Variants in GPC6 observed in about 807,000 individuals in gnomAD.
The protein encoded by GPC6 is glypican-6.
In GPC6, 14 loss-of-function variants were observed where a neutral mutation model predicts 55.2. That is an observed-to-expected ratio of 0.25 (90% CI 0.17 to 0.40). The LOEUF is 0.40. GPC6 is among the 10% of genes least tolerant of loss of function. GPC6 has a pLI of 1.00. For missense variants in GPC6, 641 were observed against 708.5 expected, an observed-to-expected ratio of 0.90 and a Z score of 1.08; for synonymous variants, 278 against 259.6, an observed-to-expected ratio of 1.07 and a Z score of -0.68.
intron 4 of GPC6, among the ~76,000 whole-genome samples, chr13:94,219,464 CAT>C (rs1252977561): frequency 5.3e-5 from 8 of 152,144 alleles, no homozygotes; most frequent in African/African-American, 1.9e-4. Flanking sequence ...GGCTTAGAAA[CAT>C]ATTGATCTGG....
intron 4 of GPC6, 59 bp downstream of exon 4, chr13:94,027,953 G>T: frequency 1.4e-6 from 2 of 1,449,776 alleles, no homozygotes; most frequent in East Asian, 4.5e-5. Flanking sequence ...GTGTTTATGG[G>T]GCTTGATGGG....
At chr13:93,496,064 T>A (rs1450822446) in intron 1 of GPC6, among the ~76,000 whole-genome samples, 1 of 152,076 alleles carries the variant, frequency 6.6e-6, no homozygotes, top group Admixed American at 6.5e-5. Flanking sequence ...AGTTGGAGCT[T>A]CCTGGCTGCT....
intron 2 of GPC6, among the ~76,000 whole-genome samples, chr13:93,575,729 A>G (rs1388107160): frequency 1.3e-5 from 2 of 152,198 alleles, no homozygotes; most frequent in African/African-American, 2.4e-5. Flanking sequence ...TTTGATAACT[A>G]TCATCCATGC....
rs181548759 is a variant in GPC6, at chr13:93,992,933, A to G, written c.712-34796A>G. On this transcript the variant is annotated intron_variant, in intron 3 of 8. Transcript: ENST00000377047. ...AACTCATCATTTCTCAGATCTCCTTAGTTAATATTAGCAGGCCTCATTGAG... is the reference window on the plus strand; with the variant it reads ...AACTCATCATTTCTCAGATCTCCTTGGTTAATATTAGCAGGCCTCATTGAG... 8.8e-4 allele frequency among the ~76,000 whole-genome samples: 134 copies of G among 152,302 alleles called. 1 individual carries two copies. Among genetic ancestry groups the G allele is most frequent in the Middle Eastern group, 3.4e-3 (1 of 294 alleles).
At chr13:93,386,009 A>G (rs9524039) in intron 1 of GPC6, among the ~76,000 whole-genome samples, 28,536 of 151,142 alleles carry the variant, frequency 0.19, 3,471 homozygotes, top group East Asian at 0.54. Context: ...GTGATGAAAG[A>G]TCCATTACTG....
rs12877316 is a variant in GPC6, at chr13:93,322,119, C to T, written c.160+94503C>T. On this transcript the variant is annotated intron_variant, in intron 1 of 8. Coordinates refer to ENST00000377047, the MANE Select transcript of GPC6 (RefSeq NM_005708.5). ...TTATTAGATCTAATGGACAAGAAAA[C>T]GTTGACTTGCTACCAAAATTTCTAA... Among the ~76,000 whole-genome samples the T allele has an allele frequency of 4.8e-3, 723 of 152,208 alleles. 5 individuals carry two copies. The highest frequency in any genetic ancestry group is 7.3e-3 in the Non-Finnish European group (496 of 68,002).
At chr13:94,324,883 C>A (rs139432248) in intron 6 of GPC6, among the ~76,000 whole-genome samples, 2,310 of 152,134 alleles carry the variant, frequency 0.015, 44 homozygotes, top group African/African-American at 0.053. Flanking sequence ...GTTTTCACAT[C>A]CCATATCTCA....
chr13:94,180,766 A>T (rs9284278), intron 4 of GPC6, among the ~76,000 whole-genome samples: 31,505 of 152,092 alleles, frequency 0.21, 3,794 homozygotes, highest in East Asian at 0.37. Flanking sequence ...TCTACAGATT[A>T]ATAGGGACAA....
At position 93,811,930 on chromosome 13, in the gene GPC6, A is replaced by G. The variant is rs192397612; in HGVS notation, c.320-18224A>G. ...ACCCTGCAGCCACACTTACTGTTAT[A>G]AGAGAAAGACATGAGGCATATCTCA... On this transcript the variant is annotated intron_variant, in intron 2 of 8. Transcript: ENST00000377047. Among the ~76,000 whole-genome samples, 14 of 152,238 alleles carry G rather than the reference A, an allele frequency of 9.2e-5. No individual in the cohort carries two copies. The East Asian group carries it at 2.7e-3, about 29-fold the overall frequency.
chr13:93,896,324 C>T (rs918138787), intron 3 of GPC6, among the ~76,000 whole-genome samples: 4 of 151,940 alleles, frequency 2.6e-5, no homozygotes, highest in South Asian at 2.1e-4. Flanking sequence ...GCCGTACAGA[C>T]GTTTTTTCAC....
chr13:93,274,872 G>A (rs779888874), intron 1 of GPC6, among the ~76,000 whole-genome samples: 57 of 152,126 alleles, frequency 3.7e-4, no homozygotes, highest in Non-Finnish European at 6.6e-4. Flanking sequence ...TGCTTTCAAA[G>A]TGCTTTAACA....
chr13:93,811,187 A>G (rs73549574), intron 2 of GPC6, among the ~76,000 whole-genome samples: 5,093 of 152,310 alleles, frequency 0.033, 107 homozygotes, highest in South Asian at 0.065. Flanking sequence ...AATATCTGGC[A>G]ATTAATTACT....
At chr13:94,328,520 G>C (rs181925001) in intron 6 of GPC6, among the ~76,000 whole-genome samples, 182 of 152,318 alleles carry the variant, frequency 1.2e-3, no homozygotes, top group Admixed American at 3.8e-3. Context: ...TCGCTGTCCT[G>C]TCGTTGGTCT....
intron 1 of GPC6, among the ~76,000 whole-genome samples, chr13:93,276,491 AGAGAGTGTGTGT>A (rs1399603645): frequency 0.019 from 2,468 of 128,340 alleles, 22 homozygotes; most frequent in African/African-American, 0.053. Context: ...AGAGAGAGAG[AGAGAGTGTGTGT>A]GTGTGTGTGT....
intron 1 of GPC6, among the ~76,000 whole-genome samples, chr13:93,458,788 T>C (rs140786399): frequency 2.0e-5 from 3 of 152,320 alleles, no homozygotes; most frequent in South Asian, 2.1e-4. Context: ...TATTCATTTA[T>C]CTTATTTTCT....
intron 4 of GPC6, among the ~76,000 whole-genome samples, chr13:94,175,876 G>A (rs1888732024): frequency 1.4e-5 from 2 of 144,518 alleles, no homozygotes; most frequent in Admixed American, 7.0e-5. Context: ...TATAAAAGAT[G>A]TTTATACTTT....
chr13:93,236,483 G>A (rs1307844704), intron 1 of GPC6, among the ~76,000 whole-genome samples: 1 of 152,082 alleles, frequency 6.6e-6, no homozygotes, highest in African/African-American at 2.4e-5. Flanking sequence ...TAGTGACTGG[G>A]CCATACAGCA....
intron 2 of GPC6, among the ~76,000 whole-genome samples, chr13:93,666,507 T>A (rs1325933602): frequency 1.3e-5 from 2 of 152,154 alleles, no homozygotes; most frequent in African/African-American, 2.4e-5. Context: ...GCTTTGTCCT[T>A]CAGTGTTGTA....
chr13:94,217,532 G>A (rs1003271779), intron 4 of GPC6, among the ~76,000 whole-genome samples: 4 of 152,044 alleles, frequency 2.6e-5, no homozygotes, highest in African/African-American at 7.2e-5. Flanking sequence ...TCATCTATAC[G>A]GCCCCAGCGA....
Sources: allele counts gnomAD v4.1 joint callset (sites outside exome capture counted in the v4.1 genomes callset), GRCh38; gene constraint gnomAD v4.1.1; transcripts MANE v1.5; gene names NCBI Gene and HGNC (gene_info 2026-07-23, HGNC 2026-07-21).